The following STX8 variants were observed in gnomAD, a reference collection of about 807,000 sequenced individuals.
The protein encoded by STX8 is syntaxin-8.
STX8 carries 23 observed loss-of-function variants against 37.5 expected under a neutral mutation model. The observed-to-expected ratio is 0.61, with a 90% CI of 0.44 to 0.87. The LOEUF (loss-of-function observed/expected upper bound fraction) is 0.87, where lower values mean the gene tolerates loss of function less well. STX8 is among the 40% of genes least tolerant of loss of function. STX8 has a pLI of 0.00. For synonymous variants in STX8, 115 were observed against 99.1 expected (o/e 1.16, Z -0.95); for missense variants, 313 against 284.7 (o/e 1.10, Z -0.71).
At chr17:9,276,134 G>C (rs1429679069) in intron 7 of STX8, among the ~76,000 whole-genome samples, 1 of 152,018 alleles carries the variant, frequency 6.6e-6, no homozygotes, top group Non-Finnish European at 1.5e-5. Context: ...TAGGGCCCTG[G>C]GCATGCAGGG....
intron 7 of STX8, among the ~76,000 whole-genome samples, chr17:9,297,914 C>T (rs1175052339): frequency 6.6e-6 from 1 of 152,114 alleles, no homozygotes; most frequent in African/African-American, 2.4e-5. Flanking sequence ...AAGTTGGGAC[C>T]CCACTGTATC....
chr17:9,480,375 T>C (rs543413206), intron 6 of STX8, among the ~76,000 whole-genome samples: 1 of 152,270 alleles, frequency 6.6e-6, no homozygotes, highest in African/African-American at 2.4e-5. Context: ...CTTTTTCTTA[T>C]TAGGAAAAGA....
At chr17:9,562,055 G>A (rs1377700925) in intron 2 of STX8, among the ~76,000 whole-genome samples, 1 of 151,000 alleles carries the variant, frequency 6.6e-6, no homozygotes, top group Non-Finnish European at 1.5e-5. Context: ...CAAAAACTTA[G>A]ATATGACTAA....
intron 6 of STX8, among the ~76,000 whole-genome samples, chr17:9,454,572 C>T (rs1399971920): frequency 1.3e-5 from 2 of 150,898 alleles, no homozygotes; most frequent in African/African-American, 2.4e-5. Flanking sequence ...CCCAGCTACT[C>T]GGGAGGCTGA....
chr17:9,377,704 G>C (rs1174989937), intron 7 of STX8, among the ~76,000 whole-genome samples: 1 of 151,974 alleles, frequency 6.6e-6, no homozygotes, highest in South Asian at 2.1e-4. Flanking sequence ...TATAGAGACA[G>C]AGAGGTCTTG....
intron 4 of STX8, among the ~76,000 whole-genome samples, chr17:9,512,703 A>T (rs1841226313): frequency 6.6e-6 from 1 of 152,124 alleles, no homozygotes; most frequent in African/African-American, 2.4e-5. Flanking sequence ...TCAGCCTCCC[A>T]AAATGCTGGG....
At chr17:9,289,591 A>C (rs1428534533) in intron 7 of STX8, among the ~76,000 whole-genome samples, 1 of 151,098 alleles carries the variant, frequency 6.6e-6, no homozygotes, top group South Asian at 2.1e-4. Flanking sequence ...CCTGGCTAAC[A>C]TGGTGAAACC....
chr17:9,312,204 T>G (rs533335726), intron 7 of STX8, among the ~76,000 whole-genome samples: 36 of 150,964 alleles, frequency 2.4e-4, no homozygotes, highest in African/African-American at 6.8e-4. Flanking sequence ...TCTTTTTTTT[T>G]TTGTTTTTTG....
chr17:9,572,044 C>T (rs1368626875), intron 1 of STX8, among the ~76,000 whole-genome samples: 13 of 152,030 alleles, frequency 8.6e-5, no homozygotes, highest in Admixed American at 2.0e-4. Flanking sequence ...TATCTTTTAC[C>T]TTCCAAAATA....
intron 7 of STX8, among the ~76,000 whole-genome samples, chr17:9,263,544 T>A (rs1907122522): frequency 6.6e-6 from 1 of 152,226 alleles, no homozygotes; most frequent in African/African-American, 2.4e-5. Flanking sequence ...GTCTTAAATG[T>A]CTTTCACAGA....
At chr17:9,534,865 T>C (rs549194250) in intron 4 of STX8, among the ~76,000 whole-genome samples, 1 of 152,074 alleles carries the variant, frequency 6.6e-6, no homozygotes, top group East Asian at 1.9e-4. Context: ...AAAGTATCCA[T>C]ATTTTAGAAA....
chr17:9,380,857 G>A (rs1381904439), intron 6 of STX8, among the ~76,000 whole-genome samples: 2 of 151,608 alleles, frequency 1.3e-5, no homozygotes, highest in Admixed American at 1.3e-4. Flanking sequence ...GGGATTACGG[G>A]TGCGCACCAC....
chr17:9,490,649 G>A (rs1010660151), intron 6 of STX8, among the ~76,000 whole-genome samples: 2 of 152,190 alleles, frequency 1.3e-5, no homozygotes, highest in African/African-American at 4.8e-5. Flanking sequence ...ACAGGTGTGA[G>A]CCACCGCACC....
intron 7 of STX8, among the ~76,000 whole-genome samples, chr17:9,352,150 TAAAA>T (rs551344446): frequency 9.0e-6 from 1 of 111,148 alleles, no homozygotes; most frequent in Non-Finnish European, 1.9e-5. Flanking sequence ...AGATCCTGCC[TAAAA>T]AAAAAAAAAA....
At chr17:9,364,634 G>A (rs532811818) in intron 7 of STX8, among the ~76,000 whole-genome samples, 19 of 151,972 alleles carry the variant, frequency 1.3e-4, no homozygotes, top group Non-Finnish European at 2.8e-4. Flanking sequence ...GGGTTCAAGC[G>A]ATTCTCCTGC....
rs140144865 is a variant in STX8 at position 9,278,185 on chromosome 17, C to T, written c.644-27540G>A. On this transcript the variant is annotated intron_variant, in intron 7 of 7. Coordinates refer to ENST00000306357, the MANE Select transcript of STX8 (RefSeq NM_004853.3). ...CTTTAGGGCCGGATGCAGTGGCTTA[C>T]GCCTGTAATCCCAGCACTTTGGGAG... Among the ~76,000 whole-genome samples, 452 of 151,490 alleles carry T rather than the reference C, an allele frequency of 3.0e-3. 20 individuals are homozygous for T. In the East Asian group the frequency reaches 0.073, roughly 24 times the overall value.
chr17:9,495,637 A>G (rs570978590), intron 5 of STX8, among the ~76,000 whole-genome samples: 25 of 152,324 alleles, frequency 1.6e-4, no homozygotes, highest in Admixed American at 1.4e-3. Flanking sequence ...AAGAGAACTA[A>G]AAGTTCTGTT....
In STX8 at chr17:9,317,265, T is replaced by C. The variant is rs373839548; in HGVS notation, c.643+61287A>G. Among the ~76,000 whole-genome samples, 6 of 152,092 alleles carry C rather than the reference T, an allele frequency of 3.9e-5. No homozygotes were observed. In the East Asian group the frequency reaches 1.2e-3, roughly 29 times the overall value. On this transcript the variant is annotated intron_variant, in intron 7 of 7. Transcript: ENST00000306357. ...GGGCTGACTACTCAAATCAAGGAAG[T>C]AGTACGGCCTAGAAAACACATGAGG...
chr17:9,502,139 T>C (rs569251598), intron 5 of STX8, among the ~76,000 whole-genome samples: 1 of 152,252 alleles, frequency 6.6e-6, no homozygotes, highest in South Asian at 2.1e-4. Context: ...TGGAAAACAG[T>C]ATGGAGGTTC....
Sources: allele counts gnomAD v4.1 joint callset (sites outside exome capture counted in the v4.1 genomes callset), GRCh38; gene constraint gnomAD v4.1.1; transcripts MANE v1.5; gene names NCBI Gene and HGNC (gene_info 2026-07-23, HGNC 2026-07-21).